Variants in ASTN2 observed in about 807,000 individuals in gnomAD.
ASTN2 encodes the protein astrotactin 2.
A neutral mutation model predicts 139.8 loss-of-function variants in ASTN2; 54 were observed. The observed-to-expected ratio is 0.39, with a 90% CI of 0.31 to 0.48. The LOEUF is 0.48. ASTN2 is among the 20% of genes least tolerant of loss of function. The probability of loss-of-function intolerance (pLI) is 0.95; values close to 1 mark genes in which losing one functional copy is unlikely to be tolerated. For synonymous variants in ASTN2, 756 were observed against 719.5 expected (o/e 1.05, Z -0.81); for missense variants, 1,565 against 1,725.1 (o/e 0.91, Z 1.64).
chr9:117,067,681 C>A lies in ASTN2; in HGVS notation c.1277-27716G>T, dbSNP rs529915652. Among the ~76,000 whole-genome samples, 411 of 130,916 alleles carry A rather than the reference C, an allele frequency of 3.1e-3. 14 individuals are homozygous for A. Among genetic ancestry groups the A allele is most frequent in the African/African-American group, 0.011 (386 of 35,790 alleles). The allele number at this position is 130,916 out of a possible 152,430, so 85.9% of individuals were successfully genotyped here. A position where few individuals can be genotyped will look rare whatever the true frequency, so the allele number is the denominator to read the frequency against. ...ATTTGTTTGTATCCTCTTTTATTTC[C>A]TTGAGCAGTGGTTTGTAGTTCTCCT... is the stretch of plus-strand genomic sequence containing the variant. On this transcript the variant is annotated intron_variant, in intron 5 of 22. Transcript: ENST00000313400.
intron 5 of ASTN2, among the ~76,000 whole-genome samples, chr9:117,073,753 G>C (rs557647687): frequency 2.0e-5 from 3 of 152,140 alleles, no homozygotes; most frequent in Non-Finnish European, 2.9e-5. Context: ...CAATGGGCCT[G>C]GGGGAGCAGG....
chr9:117,331,714 C>T (rs1288159949), intron 1 of ASTN2, among the ~76,000 whole-genome samples: 1 of 152,152 alleles, frequency 6.6e-6, no homozygotes, highest in Admixed American at 6.5e-5. Flanking sequence ...ACTTTTGACT[C>T]TGATAGCAGC....
chr9:116,698,087 T>C lies in ASTN2; in HGVS notation c.2806+27684A>G, dbSNP rs1357329439. On this transcript the variant is annotated intron_variant, in intron 16 of 22. Transcript: ENST00000313400. The surrounding 1 kb of genome is among the most constrained non-coding windows in gnomAD (Gnocchi z 4.4). ...TGCCCCGGCAATTCTGCCGGAGCTG[T>C]GGTTTGGTGTTATGTGAGCCCTGCC... The C allele has an allele frequency of 1.9e-6, 3 of 1,613,988 alleles. No individual in the cohort carries two copies. Among genetic ancestry groups the C allele is most frequent in the Non-Finnish European group, 2.5e-6 (3 of 1,179,992 alleles).
intron 2 of ASTN2, among the ~76,000 whole-genome samples, chr9:117,263,953 G>T (rs773686528): frequency 6.6e-6 from 1 of 151,974 alleles, no homozygotes; most frequent in Non-Finnish European, 1.5e-5. Context: ...GATCACTTCA[G>T]CCCTGGAGTT....
chr9:116,519,297 T>C (rs563727292), intron 19 of ASTN2, among the ~76,000 whole-genome samples: 1 of 152,124 alleles, frequency 6.6e-6, no homozygotes, highest in South Asian at 2.1e-4. Context: ...ATTAAAATTA[T>C]ATCAAGTACT....
At chr9:117,166,812 T>A (rs1830680570) in intron 3 of ASTN2, among the ~76,000 whole-genome samples, 1 of 152,100 alleles carries the variant, frequency 6.6e-6, no homozygotes, top group South Asian at 2.1e-4. Context: ...TCCCCTAGGA[T>A]CAAATAAGAT....
At position 117,337,347 on chromosome 9, in the gene ASTN2, C is replaced by T. The variant is rs115818823; in HGVS notation, c.443-45834G>A. The stretch of plus-strand genomic sequence containing the variant: ...GGTTGCAGAGATCAAAATTCCTGCA[C>T]ATTAAGGCCTATCCTAATAAACTCT... On this transcript the variant is annotated intron_variant, in intron 1 of 22. Coordinates refer to ENST00000313400, the MANE Select transcript of ASTN2 (RefSeq NM_001365068.1). 8.5e-3 allele frequency among the ~76,000 whole-genome samples: 1,293 copies of T among 152,240 alleles called. 18 individuals are homozygous for T. Among genetic ancestry groups the T allele is most frequent in the African/African-American group, 0.03 (1,236 of 41,550 alleles).
chr9:117,109,359 AATAAATAAAT>A (rs1411612014), intron 4 of ASTN2, among the ~76,000 whole-genome samples: 1 of 129,896 alleles, frequency 7.7e-6, no homozygotes, highest in African/African-American at 3.2e-5. Flanking sequence ...AATAAATAAA[AATAAATAAAT>A]AAAAATAAAT....
chr9:116,899,493 G>A (rs375576507), intron 10 of ASTN2, among the ~76,000 whole-genome samples: 1 of 152,208 alleles, frequency 6.6e-6, no homozygotes, highest in East Asian at 1.9e-4. Flanking sequence ...ACCATCCTTT[G>A]CAAAATTATA....
chr9:117,215,370 G>A (rs551385583), intron 2 of ASTN2, among the ~76,000 whole-genome samples: 1 of 151,768 alleles, frequency 6.6e-6, no homozygotes, highest in South Asian at 2.1e-4. Flanking sequence ...TTCTATAAGG[G>A]AACTGGGACA....
intron 2 of ASTN2, among the ~76,000 whole-genome samples, chr9:117,235,161 G>A (rs1422890066): frequency 6.6e-6 from 1 of 151,878 alleles, no homozygotes; most frequent in East Asian, 1.9e-4. Context: ...TGGAACCCAG[G>A]AGGCGGAGGT....
intron 19 of ASTN2, among the ~76,000 whole-genome samples, chr9:116,489,327 ATTT>A (rs1564313679): frequency 6.6e-6 from 1 of 151,840 alleles, no homozygotes; most frequent in African/African-American, 2.4e-5. Flanking sequence ...TTATTTATTT[ATTT>A]TTTAATTTTA....
intron 10 of ASTN2, 43 bp from the exon 11 acceptor site, chr9:116,863,776 T>C (rs745539839): frequency 1.3e-6 from 2 of 1,540,564 alleles, no homozygotes; most frequent in African/African-American, 1.4e-5. Context: ...GACATTTGGA[T>C]CCTTAGATTA....
At chr9:116,703,219 C>G (rs1294013385) in intron 16 of ASTN2, among the ~76,000 whole-genome samples, 7 of 151,654 alleles carry the variant, frequency 4.6e-5, no homozygotes, top group Admixed American at 4.6e-4. Flanking sequence ...TCGCATTTCT[C>G]TGATGGCCAG....
intron 1 of ASTN2, among the ~76,000 whole-genome samples, chr9:117,333,377 A>G (rs753360954): frequency 2.6e-4 from 40 of 152,184 alleles, no homozygotes; most frequent in Non-Finnish European, 5.1e-4. Flanking sequence ...AGAGGAAAAA[A>G]AACCTGATTT....
At chr9:117,229,197 A>G (rs1259911138) in intron 2 of ASTN2, among the ~76,000 whole-genome samples, 3 of 152,098 alleles carry the variant, frequency 2.0e-5, no homozygotes, top group Non-Finnish European at 4.4e-5. Flanking sequence ...AATCTGGTAG[A>G]CCATGCTTTC....
chr9:116,603,421 G>A (rs1855015892), intron 19 of ASTN2, among the ~76,000 whole-genome samples: 3 of 152,178 alleles, frequency 2.0e-5, no homozygotes, highest in African/African-American at 7.2e-5. Context: ...CCCAGGAGTG[G>A]GTGGCTGAGG....
intron 2 of ASTN2, among the ~76,000 whole-genome samples, chr9:117,270,423 G>T (rs771179578): frequency 4.6e-5 from 7 of 152,142 alleles, no homozygotes; most frequent in Non-Finnish European, 8.8e-5. Flanking sequence ...TCTCATATAA[G>T]TGGAATCATA....
chr9:116,663,785 C>T (rs923574087), intron 16 of ASTN2, among the ~76,000 whole-genome samples: 8 of 152,112 alleles, frequency 5.3e-5, no homozygotes, highest in Non-Finnish European at 1.2e-4. Flanking sequence ...ATACATTATG[C>T]CCTTTGGTCT....
Sources: gnomAD v4.1 joint callset for allele counts (sites outside exome capture counted in the v4.1 genomes callset) on GRCh38, gnomAD v4.1.1 for gene constraint, Gnocchi (gnomAD v3.1) non-coding constraint, MANE v1.5 for transcripts, NCBI Gene and HGNC (gene_info 2026-07-23, HGNC 2026-07-21) for gene names.